Variants in CHKA observed in about 807,000 individuals in gnomAD.
CHKA encodes choline kinase alpha, also known as CHETK-alpha.
CHKA carries 34 observed loss-of-function variants against 60.1 expected under a neutral mutation model. The ratio of observed to expected loss-of-function variants is 0.57; its 90% CI spans 0.43 to 0.75. The LOEUF (loss-of-function observed/expected upper bound fraction) is 0.75, where lower values mean the gene tolerates loss of function less well. Among genes scored for constraint, CHKA ranks in the 30% least tolerant of loss-of-function variants. CHKA has a pLI of 0.00. For synonymous variants in CHKA, 217 were observed against 223.1 expected (o/e 0.97, Z 0.24); for missense variants, 563 against 561.3 (o/e 1.00, Z -0.03).
chr11:68,090,215 G>A (rs974208525), intron 2 of CHKA, among the ~76,000 whole-genome samples: 1 of 152,176 alleles, frequency 6.6e-6, no homozygotes, highest in Non-Finnish European at 1.5e-5. Context: ...TATTAGGTTA[G>A]ACCAAATGGG....
chr11:68,073,225 T>A (rs1856680725), intron 4 of CHKA, among the ~76,000 whole-genome samples: 1 of 152,230 alleles, frequency 6.6e-6, no homozygotes, highest in Admixed American at 6.5e-5. Flanking sequence ...TTAAAATTTA[T>A]CAGGCTTTAT....
intron 1 of CHKA, among the ~76,000 whole-genome samples, chr11:68,104,066 A>G (rs887134054): frequency 6.6e-6 from 1 of 152,336 alleles, no homozygotes; most frequent in Non-Finnish European, 1.5e-5. Context: ...AAAGCCATCA[A>G]TTGATTATAG....
At chr11:68,094,242 G>A (rs937634802) in intron 2 of CHKA, among the ~76,000 whole-genome samples, 6 of 152,196 alleles carry the variant, frequency 3.9e-5, no homozygotes, top group Non-Finnish European at 2.9e-5. Context: ...AAGAAAAAAT[G>A]ACTATCAAGA....
chr11:68,096,940 C>T, intron 2 of CHKA, 79 bp downstream of exon 2: 1 of 963,236 alleles, frequency 1.0e-6, no homozygotes, highest in Non-Finnish European at 1.6e-6. Flanking sequence ...TATTTAAAAT[C>T]TCTTTCCAAG....
At chr11:68,112,633 T>C (rs1383865486) in intron 1 of CHKA, among the ~76,000 whole-genome samples, 3 of 152,080 alleles carry the variant, frequency 2.0e-5, no homozygotes, top group African/African-American at 7.2e-5. Context: ...TTCATTAAAA[T>C]TAAAAACTGC....
intron 11 of CHKA, among the ~76,000 whole-genome samples, chr11:68,054,889 C>T (rs1855947363): frequency 6.6e-6 from 1 of 152,206 alleles, no homozygotes; most frequent in Non-Finnish European, 1.5e-5. Context: ...CTTTTCTTTC[C>T]TAGAGTAGCA....
intron 9 of CHKA, 129 bp from the exon 10 acceptor site, chr11:68,064,760 C>T (rs541645297): frequency 3.3e-5 from 20 of 612,848 alleles, no homozygotes; most frequent in East Asian, 2.0e-4. Flanking sequence ...TCAGCATCTC[C>T]GACATCCTGG....
intron 1 of CHKA, among the ~76,000 whole-genome samples, chr11:68,098,806 G>T (rs546011061): frequency 6.6e-6 from 1 of 152,008 alleles, no homozygotes; most frequent in Non-Finnish European, 1.5e-5. Flanking sequence ...CGATTCTCCT[G>T]CCTCAGCCCC....
chr11:68,115,313 G>A (rs1256476418), intron 1 of CHKA, among the ~76,000 whole-genome samples: 1 of 152,166 alleles, frequency 6.6e-6, no homozygotes, highest in Non-Finnish European at 1.5e-5. Context: ...TCAATACAAT[G>A]GTGGATACAT....
At chr11:68,114,595 G>A (rs1348953574) in intron 1 of CHKA, among the ~76,000 whole-genome samples, 1 of 152,022 alleles carries the variant, frequency 6.6e-6, no homozygotes, top group East Asian at 1.9e-4. Flanking sequence ...TACTTGGGAG[G>A]CTGAGGAAGG....
At chr11:68,101,107 C>G (rs889139030) in intron 1 of CHKA, among the ~76,000 whole-genome samples, 2 of 151,748 alleles carry the variant, frequency 1.3e-5, no homozygotes, top group South Asian at 2.1e-4. Flanking sequence ...ACCACCACAC[C>G]GGGCTAATTT....
At chr11:68,060,009 T>C (rs551602705) in intron 11 of CHKA, among the ~76,000 whole-genome samples, 10 of 151,136 alleles carry the variant, frequency 6.6e-5, no homozygotes, top group Non-Finnish European at 1.3e-4. Context: ...GTTTTGTTTT[T>C]GTTTCTGAGA....
Position 68,120,869 on chromosome 11 carries a change from C to T in CHKA, c.309G>A (p.Trp103Ter). ...LWCKEFLPGA[W>*]RGLREDEFHI... ...GGAACTCGTCCTCGCGGAGGCCCCGCCAGGCGCCGGGCAGGAACTCCTTGC... is the reference window on the plus strand; with the variant it reads ...GGAACTCGTCCTCGCGGAGGCCCCGTCAGGCGCCGGGCAGGAACTCCTTGC... The change falls in exon 1 of 12, where the codon TGG (tryptophan) becomes TGA (stop). Residue 103 changes from tryptophan to a stop codon, truncating the protein, a stop_gained. Coordinates refer to ENST00000265689, the MANE Select transcript of CHKA (RefSeq NM_001277.3). LOFTEE classifies it high-confidence loss of function. 1 of 1,358,576 alleles carries T rather than the reference C, an allele frequency of 7.4e-7. No homozygotes were observed. Among genetic ancestry groups the T allele is most frequent in the Middle Eastern group, 2.0e-4 (1 of 4,954 alleles). The allele number at this position is 1,358,576 out of a possible 1,614,324, so 84.2% of individuals were successfully genotyped here. A position where few individuals can be genotyped will look rare whatever the true frequency, so the allele number is the denominator to read the frequency against.
intron 11 of CHKA, chr11:68,061,353 A>G: frequency 5.8e-6 from 1 of 171,322 alleles, no homozygotes; most frequent in South Asian, 1.3e-4. Flanking sequence ...TGATCTGCCC[A>G]CCTCAGCCTC....
rs572791543 is a variant in CHKA, at chr11:68,070,392, C to T, written c.765-99G>A. ...GCTTTGGTTAAACATTCAATCCCAG[C>T]GCAGTCACAATGCCAGTGGGACCCC... On this transcript the variant is annotated intron_variant, in intron 5 of 11. Coordinates refer to ENST00000265689, the MANE Select transcript of CHKA (RefSeq NM_001277.3). 100 of 918,144 alleles carry T rather than the reference C, an allele frequency of 1.1e-4. 2 individuals are homozygous for T. Among genetic ancestry groups the T allele is most frequent in the South Asian group, 6.9e-4 (48 of 69,822 alleles). 56.9% of individuals were successfully genotyped at this position (918,144 alleles called of 1,614,324 possible).
intron 4 of CHKA, among the ~76,000 whole-genome samples, chr11:68,072,550 TAAAAA>T (rs10708078): frequency 8.9e-6 from 1 of 112,746 alleles, no homozygotes; most frequent in Non-Finnish European, 1.8e-5. Flanking sequence ...GACCCTATCT[TAAAAA>T]AAAAAAAAAA....
intron 7 of CHKA, among the ~76,000 whole-genome samples, chr11:68,067,963 T>G (rs117408948): frequency 2.6e-5 from 4 of 152,182 alleles, no homozygotes; most frequent in Non-Finnish European, 4.4e-5. Flanking sequence ...CCTGAACTAC[T>G]GTGACTAGGG....
intron 2 of CHKA, among the ~76,000 whole-genome samples, chr11:68,084,814 C>G (rs1056862576): frequency 3.3e-5 from 5 of 151,982 alleles, no homozygotes; most frequent in African/African-American, 1.2e-4. Flanking sequence ...TGGAAGAAGA[C>G]TGGCTGTGAG....
At chr11:68,091,490 T>C (rs571776602) in intron 2 of CHKA, among the ~76,000 whole-genome samples, 1 of 152,198 alleles carries the variant, frequency 6.6e-6, no homozygotes, top group Admixed American at 6.5e-5. Flanking sequence ...GGAATTTTCA[T>C]AAGCACCCTA....
Sources: allele counts gnomAD v4.1 joint callset (sites outside exome capture counted in the v4.1 genomes callset), GRCh38; gene constraint gnomAD v4.1.1; transcripts MANE v1.5; gene names NCBI Gene and HGNC (gene_info 2026-07-23, HGNC 2026-07-21).